The following USH2A variants were observed in gnomAD, a reference collection of about 807,000 sequenced individuals.
The protein encoded by USH2A is usherin.
In USH2A, 443 loss-of-function variants were observed where a neutral mutation model predicts 538.9. The ratio of observed to expected loss-of-function variants is 0.82; its 90% CI spans 0.76 to 0.89. The LOEUF is 0.89. Among genes scored for constraint, USH2A ranks in the 40% least tolerant of loss-of-function variants. USH2A has a pLI of 0.00. For synonymous variants in USH2A, 2,413 were observed against 2,273.5 expected (o/e 1.06, Z -1.75); for missense variants, 6,633 against 6,324.8 (o/e 1.05, Z -1.65).
At chr1:216,369,679 G>T (rs909166493) in intron 3 of USH2A, among the ~76,000 whole-genome samples, 6 of 152,102 alleles carry the variant, frequency 3.9e-5, no homozygotes, top group African/African-American at 1.4e-4. Flanking sequence ...TTGGGAGGCT[G>T]AGGCAGGCAG....
intron 11 of USH2A, among the ~76,000 whole-genome samples, chr1:216,281,573 T>C (rs73098667): frequency 0.048 from 7,267 of 152,196 alleles, 555 homozygotes; most frequent in African/African-American, 0.16. Flanking sequence ...CTTTTTAATG[T>C]AAAATAATAT....
At chr1:216,162,108 C>T (rs2034070591) in intron 21 of USH2A, among the ~76,000 whole-genome samples, 1 of 151,934 alleles carries the variant, frequency 6.6e-6, no homozygotes, top group South Asian at 2.1e-4. Context: ...TAATATTTGG[C>T]TATTCTACAA....
At position 216,323,656 on chromosome 1, in the gene USH2A, G is replaced by A. The variant is rs1346977046; in HGVS notation, c.1368C>T (p.Ile456=). The part of the protein sequence containing the change: ...PYSRGNVTFS[I]LTPGPNYRPG... ...GACGATAATTTGGTCCAGGTGTCAG[G>A]ATGCTAAATGTGACATTGCCACGGG... The change falls in exon 8 of 72, where the codon ATC becomes ATT. Residue 456 remains isoleucine, a synonymous_variant. Transcript: ENST00000307340. 1.2e-6 allele frequency: 2 copies of A among 1,613,450 alleles called. No individual in the cohort carries two copies. The highest frequency in any genetic ancestry group is 2.2e-5 in the East Asian group (1 of 44,808).
intron 35 of USH2A, among the ~76,000 whole-genome samples, chr1:215,980,604 T>C (rs554115567): frequency 6.6e-6 from 1 of 152,120 alleles, no homozygotes; most frequent in African/African-American, 2.4e-5. Context: ...CAGATAAATA[T>C]GAGGACTTTT....
Position 216,199,607 on chromosome 1 carries a change from T to C in USH2A, c.3811+20A>G, listed in dbSNP as rs745634290. ...TTCATGTCTTGACCAAAAAGGGGAA[T>C]CTCAGCCTTGGATTCTTACCATTTA... On this transcript the variant is annotated intron_variant, in intron 17 of 71. Coordinates refer to ENST00000307340, the MANE Select transcript of USH2A (RefSeq NM_206933.4). The C allele has an allele frequency of 2.5e-6, 4 of 1,613,602 alleles. No homozygotes were observed. The highest frequency in any genetic ancestry group is 3.4e-6 in the Non-Finnish European group (4 of 1,179,978).
In USH2A at chr1:215,988,163, CCCATTGAACAGCAACTCT is replaced by C. The variant is rs1667916465; in HGVS notation, c.6805+4839_6805+4856del. Among the ~76,000 whole-genome samples the C allele has an allele frequency of 1.4e-4, 22 of 152,138 alleles. 1 individual carries two copies. In the South Asian group the frequency reaches 4.6e-3, roughly 32 times the overall value. ...CGTCTTGGAAAACTGAAGCTCTAAA[CCCATTGAACAGCAACTCT>C]CCATTTCCCCCTTCCACCCAGACCT... On this transcript the variant is annotated intron_variant, in intron 35 of 71. Transcript: ENST00000307340.
chr1:216,135,599 A>G (rs1166792884), intron 21 of USH2A, among the ~76,000 whole-genome samples: 1 of 152,168 alleles, frequency 6.6e-6, no homozygotes, highest in African/African-American at 2.4e-5. Context: ...TATAACTGTT[A>G]TACTGTACAA....
chr1:216,312,886 T>C (rs533914301), intron 9 of USH2A, among the ~76,000 whole-genome samples: 3 of 152,266 alleles, frequency 2.0e-5, no homozygotes, highest in Non-Finnish European at 4.4e-5. Flanking sequence ...AACTTTTTGT[T>C]GAAATCCAGA....
intron 4 of USH2A, among the ~76,000 whole-genome samples, chr1:216,338,848 G>A (rs1015517706): frequency 6.6e-6 from 1 of 151,610 alleles, no homozygotes; most frequent in Non-Finnish European, 1.5e-5. Flanking sequence ...TTATACTCAT[G>A]ATTTTGGCAA....
intron 65 of USH2A, among the ~76,000 whole-genome samples, chr1:215,649,570 C>A (rs1039047631): frequency 1.3e-5 from 2 of 152,072 alleles, no homozygotes; most frequent in African/African-American, 2.4e-5. Context: ...GTATTTACAT[C>A]ATCTATATTT....
At chr1:215,993,573 G>C (rs924401926) in intron 34 of USH2A, among the ~76,000 whole-genome samples, 1 of 150,620 alleles carries the variant, frequency 6.6e-6, no homozygotes, top group African/African-American at 2.5e-5. Flanking sequence ...TAAAGTACTA[G>C]AGGATGAAGA....
At chr1:215,875,298 T>C (rs1237532672) in intron 43 of USH2A, among the ~76,000 whole-genome samples, 2 of 152,114 alleles carry the variant, frequency 1.3e-5, no homozygotes, top group Non-Finnish European at 2.9e-5. Context: ...TTTTTTTTTT[T>C]CTACAAGCTT....
intron 41 of USH2A, among the ~76,000 whole-genome samples, chr1:215,881,949 G>T (rs1358600140): frequency 6.6e-6 from 1 of 152,142 alleles, no homozygotes; most frequent in Non-Finnish European, 1.5e-5. Context: ...AAGAATCATG[G>T]CACCTTCAAA....
chr1:215,903,006 C>T lies in USH2A; in HGVS notation c.7301-2101G>A, dbSNP rs77294677. Among the ~76,000 whole-genome samples the T allele has an allele frequency of 3.4e-3, 522 of 152,116 alleles. 4 individuals are homozygous for T. Among genetic ancestry groups the T allele is most frequent in the African/African-American group, 0.012 (503 of 41,532 alleles). ...ATGAGTATAGAAGAGGTCTGAGAAC[C>T]AAGCCCTGGAATCCACCAAAATGTT... On this transcript the variant is annotated intron_variant, in intron 38 of 71. Coordinates refer to ENST00000307340, the MANE Select transcript of USH2A (RefSeq NM_206933.4).
chr1:215,943,764 G>C (rs75906874), intron 37 of USH2A, among the ~76,000 whole-genome samples: 4,879 of 152,174 alleles, frequency 0.032, 120 homozygotes, highest in South Asian at 0.084. Context: ...GGCATAAGCT[G>C]GTCTGGGCTA....
At chr1:215,998,825 C>T in intron 34 of USH2A, 62 bp downstream of exon 34, 1 of 1,561,760 alleles carries the variant, frequency 6.4e-7, no homozygotes, top group Non-Finnish European at 8.8e-7. Flanking sequence ...AAAGATGGAC[C>T]ACGGGAAGGG....
intron 3 of USH2A, among the ~76,000 whole-genome samples, chr1:216,377,688 GAGGGGAGAGC>G (rs541130560): frequency 4.7e-5 from 7 of 147,636 alleles, no homozygotes; most frequent in East Asian, 2.0e-4. Context: ...AAGGGAAGGG[GAGGGGAGAGC>G]AGGGGAGAGC....
chr1:216,103,256 G>T (rs537356842), intron 21 of USH2A, among the ~76,000 whole-genome samples: 11 of 152,174 alleles, frequency 7.2e-5, no homozygotes, highest in Non-Finnish European at 1.3e-4. Context: ...AGGCTATCCG[G>T]GTTATAAAAA....
intron 61 of USH2A, among the ~76,000 whole-genome samples, chr1:215,685,508 C>A (rs1344159698): frequency 6.6e-6 from 1 of 152,032 alleles, no homozygotes; most frequent in Admixed American, 6.5e-5. Flanking sequence ...CAGGCACCCG[C>A]CACCACGCCC....
Sources: gnomAD v4.1 joint callset for allele counts (sites outside exome capture counted in the v4.1 genomes callset) on GRCh38, gnomAD v4.1.1 for gene constraint, MANE v1.5 for transcripts, NCBI Gene and HGNC (gene_info 2026-07-23, HGNC 2026-07-21) for gene names.